DNMT3A: variants seen among roughly 807,000 people sequenced by gnomAD.
DNMT3A encodes the protein DNA (cytosine-5)-methyltransferase 3A.
Under a neutral mutation model 117.6 loss-of-function variants are expected in DNMT3A, and 267 were observed. That is an observed-to-expected ratio of 2.27 (90% CI 2.05 to 2.51). The LOEUF is 2.51. Ranked by LOEUF, DNMT3A falls within the 30% of genes most tolerant of loss-of-function variation. The pLI is 0.00. For synonymous variants in DNMT3A, 432 were observed against 474.8 expected, an observed-to-expected ratio of 0.91 and a Z score of 1.17; for missense variants, 1,029 against 1,260.2, an observed-to-expected ratio of 0.82 and a Z score of 2.78.
At chr2:25,288,562 A>C (rs2032501660) in intron 3 of DNMT3A, among the ~76,000 whole-genome samples, 1 of 152,018 alleles carries the variant, frequency 6.6e-6, no homozygotes, top group Non-Finnish European at 1.5e-5. Flanking sequence ...CACCCACCTC[A>C]GCCTCCCAAA....
chr2:25,302,548 G>A (rs1428625888), intron 2 of DNMT3A, among the ~76,000 whole-genome samples: 14 of 152,200 alleles, frequency 9.2e-5, no homozygotes, highest in Admixed American at 5.9e-4. Flanking sequence ...CACAGCAGAC[G>A]GGCGGTGAGG....
chr2:25,284,645 TAAAAAAAAAAAAAAAAAA>T (rs56901099), intron 3 of DNMT3A, among the ~76,000 whole-genome samples: 1 of 16,646 alleles, frequency 6.0e-5, no homozygotes, highest in African/African-American at 4.1e-4. Flanking sequence ...AGACTCCATC[TAAAAAAAAAAAAAAAAAA>T]AAAAAAAAAA....
chr2:25,260,051 A>G (rs140993892), intron 6 of DNMT3A, among the ~76,000 whole-genome samples: 162 of 152,308 alleles, frequency 1.1e-3, no homozygotes, highest in African/African-American at 3.6e-3. Context: ...CCCAAGCCCT[A>G]TCAATTACCC....
At position 25,232,988 on chromosome 2, in the gene DNMT3A, GTTT is replaced by G. The variant is rs960808001; in HGVS notation, c.*1288_*1290del. ...AGGAAAGCACCAGTACGTTTTGTAT[GTTT>G]TTTTATTTGCTCCAGGTGGGGTTTT... is the stretch of plus-strand genomic sequence containing the variant. On this transcript the variant is annotated 3_prime_UTR_variant, in exon 23 of 23. Coordinates refer to ENST00000321117, the MANE Select transcript of DNMT3A (RefSeq NM_022552.5). This position sits in a 1 kb window ranked among gnomAD's most constrained non-coding sequence, Gnocchi z 4.1. The G allele has an allele frequency of 4.3e-6, 1 of 232,952 alleles. No homozygotes were observed. The highest frequency in any genetic ancestry group is 2.2e-5 in the African/African-American group (1 of 45,280). The allele number at this position is 232,952 out of a possible 1,614,324, so 14.4% of individuals were successfully genotyped here. A position where few individuals can be genotyped will look rare whatever the true frequency, so the allele number is the denominator to read the frequency against.
In DNMT3A at chr2:25,247,303, T is replaced by C; in HGVS notation, c.1015-145A>G. 3 of 854,494 alleles carry C rather than the reference T, an allele frequency of 3.5e-6. No individual in the cohort carries two copies. Among genetic ancestry groups the C allele is most frequent in the East Asian group, 2.7e-5 (1 of 37,572 alleles). The allele number at this position is 854,494 out of a possible 1,614,324, so 52.9% of individuals were successfully genotyped here. A position where few individuals can be genotyped will look rare whatever the true frequency, so the allele number is the denominator to read the frequency against. On this transcript the variant is annotated intron_variant, in intron 8 of 22. Coordinates refer to ENST00000321117, the MANE Select transcript of DNMT3A (RefSeq NM_022552.5). This position sits in a 1 kb window ranked among gnomAD's most constrained non-coding sequence, Gnocchi z 5.6. Reference sequence around the variant, plus strand: ...GATACAGTGATAAATAATTACCCGATGCAAAGAGGAGTCCAGACCAAGAGT... The same window carrying C: ...GATACAGTGATAAATAATTACCCGACGCAAAGAGGAGTCCAGACCAAGAGT...
chr2:25,288,419 T>C (rs1355843957), intron 3 of DNMT3A, among the ~76,000 whole-genome samples: 1 of 152,002 alleles, frequency 6.6e-6, no homozygotes, highest in African/African-American at 2.4e-5. Flanking sequence ...AGTCTCGCTC[T>C]GTTGTCCAGG....
intron 6 of DNMT3A, among the ~76,000 whole-genome samples, chr2:25,250,949 C>T (rs1404396980): frequency 6.6e-6 from 1 of 152,202 alleles, no homozygotes; most frequent in Admixed American, 6.5e-5. Context: ...CCCACGGCCC[C>T]TTTGTCTCTC....
chr2:25,247,829 C>T lies in DNMT3A; in HGVS notation c.856-80G>A, dbSNP rs1675015375. ...CTGATCCCCCCATGGCAACCCCAGC[C>T]CTGGGCATCTGGGGGGCAGGACAGC... On this transcript the variant is annotated intron_variant, in intron 7 of 22. Coordinates refer to ENST00000321117, the MANE Select transcript of DNMT3A (RefSeq NM_022552.5). This position sits in a 1 kb window ranked among gnomAD's most constrained non-coding sequence, Gnocchi z 5.6. 8.3e-6 allele frequency: 13 copies of T among 1,571,056 alleles called. No homozygotes were observed. The highest frequency in any genetic ancestry group is 1.1e-5 in the Non-Finnish European group (13 of 1,163,262).
rs7580143 is a variant in DNMT3A, at chr2:25,300,477, C to G, written c.73-234G>C. Among the ~76,000 whole-genome samples, 1,805 of 150,064 alleles carry G rather than the reference C, an allele frequency of 0.012. 37 individuals are homozygous for G. Among genetic ancestry groups the G allele is most frequent in the African/African-American group, 0.042 (1,693 of 40,764 alleles). The stretch of plus-strand genomic sequence containing the variant: ...ATATCCTTGGCCAGGCACCGTGGCT[C>G]ATGCCTGTAATCCCAGCACTTTGAG... On this transcript the variant is annotated intron_variant, in intron 2 of 22. Coordinates refer to ENST00000321117, the MANE Select transcript of DNMT3A (RefSeq NM_022552.5).
At chr2:25,259,355 C>T (rs1343992344) in intron 6 of DNMT3A, among the ~76,000 whole-genome samples, 1 of 152,180 alleles carries the variant, frequency 6.6e-6, no homozygotes, top group Admixed American at 6.5e-5. Flanking sequence ...TCAGGTGCCC[C>T]TTACCAGGAA....
chr2:25,235,901 T>C (rs766503124), intron 21 of DNMT3A, 76 bp from the exon 22 acceptor site: 11 of 1,352,818 alleles, frequency 8.1e-6, no homozygotes, highest in Non-Finnish European at 1.1e-5. Context: ...CTACCAAATA[T>C]GCCAGGTACT....
rs1673906141 is a variant in DNMT3A, at chr2:25,240,646, GGCCCTTGCGA to G, written c.2157_2166del (p.Arg720SerfsTer56). 6.2e-7 allele frequency: 1 copy of G among 1,614,116 alleles called. No individual in the cohort carries two copies. Among genetic ancestry groups the G allele is most frequent in the African/African-American group, 1.3e-5 (1 of 74,940 alleles). ...GGGACAGGATGGTACCTACCGTAGAGGCCCTTGCGAGCAGGGTTGACGATGGAGAGGTCAT... is the reference window on the plus strand; with the variant it reads ...GGGACAGGATGGTACCTACCGTAGAGGCAGGGTTGACGATGGAGAGGTCAT... On this transcript the variant is annotated frameshift_variant, in exon 18 of 23. Transcript: ENST00000321117. LOFTEE classifies it high-confidence loss of function.
At chr2:25,284,968 C>A (rs2032190555) in intron 3 of DNMT3A, among the ~76,000 whole-genome samples, 1 of 152,200 alleles carries the variant, frequency 6.6e-6, no homozygotes, top group Non-Finnish European at 1.5e-5. Flanking sequence ...CATCCCAGTG[C>A]AGATGGATCT....
chr2:25,280,826 A>C (rs1007371652), intron 4 of DNMT3A, among the ~76,000 whole-genome samples: 2 of 152,198 alleles, frequency 1.3e-5, no homozygotes, highest in Non-Finnish European at 2.9e-5. Flanking sequence ...TAGAAATGGA[A>C]GTAGGGAAAT....
At chr2:25,309,054 C>T (rs2033942142) in intron 2 of DNMT3A, among the ~76,000 whole-genome samples, 1 of 152,204 alleles carries the variant, frequency 6.6e-6, no homozygotes, top group Admixed American at 6.5e-5. Flanking sequence ...CAAAGATGCA[C>T]CCCAGCTGCA....
chr2:25,280,954 G>T (rs1002506562), intron 4 of DNMT3A, among the ~76,000 whole-genome samples: 8 of 152,292 alleles, frequency 5.3e-5, no homozygotes, highest in African/African-American at 1.9e-4. Context: ...GTCATGGTGG[G>T]GTCCTGGGAA....
At chr2:25,280,403 C>T (rs1455937833) in intron 4 of DNMT3A, among the ~76,000 whole-genome samples, 2 of 149,438 alleles carry the variant, frequency 1.3e-5, no homozygotes, top group African/African-American at 4.9e-5. Context: ...CTCCTTTGCT[C>T]TCTGCACTCT....
At chr2:25,315,713 C>A (rs1347747650) in intron 1 of DNMT3A, among the ~76,000 whole-genome samples, 5 of 152,176 alleles carry the variant, frequency 3.3e-5, no homozygotes, top group Admixed American at 6.5e-5. Context: ...CACTAAAGTT[C>A]TGAGGGGTTG....
intron 2 of DNMT3A, among the ~76,000 whole-genome samples, chr2:25,308,985 A>ACACACACACACACG (rs1553430148): frequency 2.6e-5 from 4 of 151,898 alleles, no homozygotes; most frequent in Admixed American, 2.0e-4. Flanking sequence ...ACACACACAC[A>ACACACACACACACG]CACACACACA....
Sources: allele counts gnomAD v4.1 joint callset (sites outside exome capture counted in the v4.1 genomes callset), GRCh38; gene constraint gnomAD v4.1.1; non-coding constraint Gnocchi (gnomAD v3.1); transcripts MANE v1.5; gene names NCBI Gene and HGNC (gene_info 2026-07-23, HGNC 2026-07-21).